ATRN: variants seen among roughly 807,000 people sequenced by gnomAD.
ATRN encodes attractin.
ATRN carries 54 observed loss-of-function variants against 178.7 expected under a neutral mutation model. The ratio of observed to expected loss-of-function variants is 0.30; its 90% CI spans 0.24 to 0.38. The LOEUF is 0.38. ATRN is among the 10% of genes least tolerant of loss of function. The pLI is 1.00. For synonymous variants in ATRN, 636 were observed against 663.0 expected, an observed-to-expected ratio of 0.96 and a Z score of 0.63; for missense variants, 1,443 against 1,815.1, an observed-to-expected ratio of 0.79 and a Z score of 3.73.
In ATRN at chr20:3,471,170, G is replaced by T; in HGVS notation, c.63G>T (p.Ala21=). ...GGAGGAGGACGGCGGCGACGGCAGCGCTCGCGGGCAGGAGCGGCGGGCCGC... is the reference window on the plus strand; with the variant it reads ...GGAGGAGGACGGCGGCGACGGCAGCTCTCGCGGGCAGGAGCGGCGGGCCGC... ...RLRRRTAATA[A]LAGRSGGPHW... The change falls in exon 1 of 29, where the codon GCG becomes GCT. Residue 21 remains alanine (A), a synonymous_variant. Coordinates refer to ENST00000262919, the MANE Select transcript of ATRN (RefSeq NM_139321.3). The T allele has an allele frequency of 6.6e-7, 1 of 1,503,938 alleles. No homozygotes were observed. The highest frequency in any genetic ancestry group is 8.8e-7 in the Non-Finnish European group (1 of 1,133,294). The allele number at this position is 1,503,938 out of a possible 1,614,324, so 93.2% of individuals were successfully genotyped here. A position where few individuals can be genotyped will look rare whatever the true frequency, so the allele number is the denominator to read the frequency against.
intron 1 of ATRN, among the ~76,000 whole-genome samples, chr20:3,475,792 G>GA (rs1045997363): frequency 4.6e-5 from 7 of 151,210 alleles, no homozygotes; most frequent in Admixed American, 2.0e-4. Flanking sequence ...ACCTTCTGTA[G>GA]AAAAAAAAAG....
At chr20:3,607,912 A>T (rs962844248) in intron 24 of ATRN, among the ~76,000 whole-genome samples, 3 of 152,120 alleles carry the variant, frequency 2.0e-5, no homozygotes, top group Non-Finnish European at 4.4e-5. Context: ...TAGCCATTTT[A>T]ACTGGGATGA....
At chr20:3,567,666 T>C (rs931739990) in intron 11 of ATRN, among the ~76,000 whole-genome samples, 4 of 152,238 alleles carry the variant, frequency 2.6e-5, no homozygotes, top group Non-Finnish European at 5.9e-5. Context: ...CAGCATTTCT[T>C]CATGCTTTAA....
intron 25 of ATRN, among the ~76,000 whole-genome samples, chr20:3,628,146 T>G (rs970153225): frequency 6.6e-6 from 1 of 152,172 alleles, no homozygotes; most frequent in African/African-American, 2.4e-5. Context: ...CACTCCAACC[T>G]GGGCAACAGT....
At chr20:3,568,847 A>G (rs2086074982) in intron 11 of ATRN, among the ~76,000 whole-genome samples, 1 of 152,206 alleles carries the variant, frequency 6.6e-6, no homozygotes, top group African/African-American at 2.4e-5. Context: ...ACACTTAGGA[A>G]CACTAGACAG....
chr20:3,524,970 G>A (rs960957039), intron 1 of ATRN, among the ~76,000 whole-genome samples: 1 of 152,054 alleles, frequency 6.6e-6, no homozygotes, highest in Non-Finnish European at 1.5e-5. Context: ...ATCTAAAATC[G>A]ACACCCTAAC....
chr20:3,624,634 A>G (rs2086922499), intron 25 of ATRN, 62 bp downstream of exon 25: 2 of 1,250,560 alleles, frequency 1.6e-6, no homozygotes, highest in Non-Finnish European at 2.3e-6. Flanking sequence ...CCATTAATAG[A>G]GTATCAGCTC....
chr20:3,584,171 AC>A, intron 17 of ATRN, 88 bp downstream of exon 17: 1 of 1,391,258 alleles, frequency 7.2e-7, no homozygotes, highest in Non-Finnish European at 9.9e-7. Context: ...CAGCCTCTGA[AC>A]ATTTTAGAAA....
chr20:3,521,376 C>G (rs1385988694), intron 1 of ATRN, among the ~76,000 whole-genome samples: 1 of 151,060 alleles, frequency 6.6e-6, no homozygotes, highest in East Asian at 1.9e-4. Context: ...AGATTTCACA[C>G]AAACAAGGAA....
chr20:3,560,522 T>G (rs1309523658), intron 7 of ATRN, 140 bp from the exon 8 acceptor site: 1 of 696,524 alleles, frequency 1.4e-6, no homozygotes, highest in Non-Finnish European at 2.3e-6. Context: ...TCGAAATTGT[T>G]GGATCATAGG....
Position 3,471,612 on chromosome 20 carries a change from A to G in ATRN, c.410+95A>G, listed in dbSNP as rs559199832. 10 of 1,338,944 alleles carry G rather than the reference A, an allele frequency of 7.5e-6. No individual in the cohort carries two copies. The South Asian group carries it at 1.1e-4, about 15-fold the overall frequency. The allele number at this position is 1,338,944 out of a possible 1,614,324, so 82.9% of individuals were successfully genotyped here. ...TCCAGGTCAGAGGGAGATGCTGGAC[A>G]GAAAGTGGAGAGGGTAGGGCCGCCC... On this transcript the variant is annotated intron_variant, in intron 1 of 28. Transcript: ENST00000262919.
intron 4 of ATRN, among the ~76,000 whole-genome samples, 182 bp from the exon 5 acceptor site, chr20:3,547,101 GT>G (rs750540516): frequency 6.6e-6 from 1 of 152,154 alleles, no homozygotes; most frequent in Non-Finnish European, 1.5e-5. Flanking sequence ...TTCATTACTT[GT>G]ACCTCGGGCT....
intron 25 of ATRN, chr20:3,629,008 T>C (rs2146319089): frequency 1.0e-6 from 1 of 985,280 alleles, no homozygotes; most frequent in African/African-American, 1.7e-5. Context: ...TCCTCACCGG[T>C]GTTCCCCACC....
intron 14 of ATRN, 63 bp from the exon 15 acceptor site, chr20:3,578,519 A>G: frequency 1.4e-6 from 2 of 1,430,320 alleles, no homozygotes; most frequent in Non-Finnish European, 1.9e-6. Flanking sequence ...ATTTGAACTC[A>G]TAATACAGTA....
intron 1 of ATRN, among the ~76,000 whole-genome samples, chr20:3,481,813 T>TTC (rs2084625758): frequency 2.7e-5 from 4 of 146,948 alleles, no homozygotes; most frequent in Non-Finnish European, 4.5e-5. Flanking sequence ...TTTTTTTTTT[T>TTC]AGAATTTGAC....
chr20:3,546,924 T>G (rs1251706089), intron 4 of ATRN, among the ~76,000 whole-genome samples: 3 of 152,190 alleles, frequency 2.0e-5, no homozygotes, highest in African/African-American at 7.2e-5. Context: ...ATTCAGCAAC[T>G]CTGTAAAGCT....
At chr20:3,512,107 A>ATATATTTTTTTTT in intron 1 of ATRN, among the ~76,000 whole-genome samples, 2 of 106,392 alleles carry the variant, frequency 1.9e-5, no homozygotes, top group African/African-American at 8.9e-5. Flanking sequence ...ATATATATAT[A>ATATATTTTTTTTT]TTTTTTTTTT....
chr20:3,490,897 G>T, intron 1 of ATRN: 2 of 1,075,014 alleles, frequency 1.9e-6, no homozygotes, highest in Non-Finnish European at 2.9e-6. Context: ...TGAGTGCGGT[G>T]ATCAGAATTG....
chr20:3,584,927 A>C (rs1262940829), intron 18 of ATRN, 47 bp downstream of exon 18: 1 of 1,558,156 alleles, frequency 6.4e-7, no homozygotes, highest in Non-Finnish European at 8.8e-7. Flanking sequence ...CTACTGATTT[A>C]TGAAGAATAA....
Sources: allele counts gnomAD v4.1 joint callset (sites outside exome capture counted in the v4.1 genomes callset), GRCh38; gene constraint gnomAD v4.1.1; transcripts MANE v1.5; gene names NCBI Gene and HGNC (gene_info 2026-07-23, HGNC 2026-07-21).